The following RFFL variants were observed in gnomAD, a reference collection of about 807,000 sequenced individuals.
RFFL encodes the protein ring finger and FYVE like domain containing E3 ubiquitin protein ligase.
Under a neutral mutation model 40.4 loss-of-function variants are expected in RFFL, and 16 were observed. The ratio of observed to expected loss-of-function variants is 0.40; its 90% CI spans 0.27 to 0.60. The LOEUF (loss-of-function observed/expected upper bound fraction) is 0.60. RFFL is among the 20% of genes least tolerant of loss of function. RFFL has a pLI of 0.47. For synonymous variants in RFFL, 154 were observed against 167.9 expected (o/e 0.92, Z 0.64); for missense variants, 367 against 451.7 (o/e 0.81, Z 1.70).
intron 4 of RFFL, among the ~76,000 whole-genome samples, chr17:35,017,032 T>G (rs2090978166): frequency 6.6e-6 from 1 of 152,046 alleles, no homozygotes; most frequent in African/African-American, 2.4e-5. Flanking sequence ...AAACCCAGCA[T>G]GGTGCTGGCC....
chr17:35,020,434 T>G (rs1259435681), intron 3 of RFFL, among the ~76,000 whole-genome samples: 1 of 150,264 alleles, frequency 6.7e-6, no homozygotes, highest in East Asian at 1.9e-4. Context: ...GAACTGCGCA[T>G]GCGAGGGATC....
At chr17:35,078,502 A>T (rs928020686) in intron 1 of RFFL, among the ~76,000 whole-genome samples, 1 of 152,124 alleles carries the variant, frequency 6.6e-6, no homozygotes, top group African/African-American at 2.4e-5. Flanking sequence ...AGGTTTTGCT[A>T]TGTTGCCCAG....
chr17:35,081,881 G>C (rs2091404527), intron 1 of RFFL, among the ~76,000 whole-genome samples: 1 of 152,046 alleles, frequency 6.6e-6, no homozygotes, highest in Non-Finnish European at 1.5e-5. Context: ...CAATACAAAG[G>C]CCCTTAAGGG....
In RFFL at chr17:35,016,447, T is replaced by A. The variant is rs779755146; in HGVS notation, c.809A>T (p.Lys270Met). The change falls in exon 5 of 7, where the codon AAG becomes ATG. Residue 270 changes from lysine to methionine, a missense_variant. By Grantham distance (95) the Lys-to-Met change is moderately conservative. Transcript: ENST00000394597. The part of the protein sequence containing the change: ...EILARNFVNY[K>M]GCCEKWELME... ...CAGCTCCCACTTCTCACAGCAGCCC[T>A]TGTAGTTGACAAAGTTGCGAGCCAA... 1.2e-6 allele frequency: 2 copies of A among 1,614,198 alleles called. No individual in the cohort carries two copies. The highest frequency in any genetic ancestry group is 1.7e-6 in the Non-Finnish European group (2 of 1,180,020).
At position 35,076,679 on chromosome 17, in the gene RFFL, A is replaced by AAATAAAAATAATAAT. The variant is rs2091378277; in HGVS notation, c.-9+12425_-9+12426insATTATTATTTTTATT. ...GGCAACAAGAACAAAACTCCGTCTC[A>AAATAAAAATAATAAT]AATAATAATAATAATAATAATAATA... On this transcript the variant is annotated intron_variant, in intron 1 of 6. Coordinates refer to the RFFL transcript ENST00000315249. 3.6e-5 allele frequency: 5 copies of AAATAAAAATAATAAT among 137,198 alleles called. No individual in the cohort carries two copies. In the South Asian group the frequency reaches 1.2e-3, roughly 33 times the overall value. The allele number at this position is 137,198 out of a possible 1,614,324, so 8.5% of individuals were successfully genotyped here.
chr17:35,046,441 G>A (rs1050426386), intron 1 of RFFL, among the ~76,000 whole-genome samples: 4 of 152,220 alleles, frequency 2.6e-5, no homozygotes, highest in Non-Finnish European at 1.5e-5. Context: ...AGGTCTGGGT[G>A]TACCTTTGCC....
At position 35,011,933 on chromosome 17, in the gene RFFL, T is replaced by A. The variant is rs1451991145; in HGVS notation, c.*35A>T. 6.2e-7 allele frequency: 1 copy of A among 1,604,232 alleles called. No homozygotes were observed. Among genetic ancestry groups the A allele is most frequent in the Admixed American group, 1.7e-5 (1 of 59,688 alleles). ...CTGAGCCCAGACACCCCAGGCTATT[T>A]CCCTGTAAGGCACTGAAGAAACCGA... is the stretch of plus-strand genomic sequence containing the variant. On this transcript the variant is annotated 3_prime_UTR_variant, in exon 7 of 7. Transcript: ENST00000394597.
chr17:35,032,524 G>A (rs1431408335), intron 1 of RFFL, among the ~76,000 whole-genome samples: 1 of 152,090 alleles, frequency 6.6e-6, no homozygotes, highest in African/African-American at 2.4e-5. Flanking sequence ...ATTACTTACT[G>A]AAATGAAGCC....
At chr17:35,073,728 T>G (rs1192918895) in intron 1 of RFFL, 1 of 152,014 alleles carries the variant, frequency 6.6e-6, no homozygotes, top group Non-Finnish European at 1.5e-5. Context: ...TAGAATTCAA[T>G]TAATTGGGAA....
chr17:35,026,892 T>A (rs933226121), intron 1 of RFFL, among the ~76,000 whole-genome samples: 12 of 152,014 alleles, frequency 7.9e-5, no homozygotes, highest in Non-Finnish European at 1.5e-4. Flanking sequence ...TTAGTAGAGA[T>A]GGGATTTCAC....
intron 1 of RFFL, among the ~76,000 whole-genome samples, chr17:35,075,334 G>A (rs1288231124): frequency 6.6e-6 from 1 of 152,210 alleles, no homozygotes; most frequent in African/African-American, 2.4e-5. Context: ...CTAGACACAT[G>A]CAATACCTTT....
chr17:35,022,873 CAGTT>C (rs755777959), intron 2 of RFFL, among the ~76,000 whole-genome samples: 69 of 152,360 alleles, frequency 4.5e-4, no homozygotes, highest in Non-Finnish European at 9.3e-4. Context: ...CAGAGTGTCT[CAGTT>C]AGGCAACAAG....
chr17:35,072,771 T>C (rs1024288588), intron 1 of RFFL, among the ~76,000 whole-genome samples: 6 of 151,108 alleles, frequency 4.0e-5, no homozygotes, highest in Non-Finnish European at 8.8e-5. Flanking sequence ...TGGTCGGGCG[T>C]GGTGGCTCAC....
Position 35,026,360 on chromosome 17 carries a change from A to G in RFFL, c.180+14T>C. 6.2e-7 allele frequency: 1 copy of G among 1,612,478 alleles called. No individual in the cohort carries two copies. Among genetic ancestry groups the G allele is most frequent in the Non-Finnish European group, 8.5e-7 (1 of 1,179,326 alleles). ...GGCTGCAGTGGCAGAGCAGGCCAAG[A>G]AGTCAGCACTCACCTTCCTGGCCGT... On this transcript the variant is annotated intron_variant, in intron 2 of 6. Coordinates refer to ENST00000394597, the MANE Select transcript of RFFL (RefSeq NM_001017368.2).
chr17:35,047,912 C>T (rs1281056770), intron 1 of RFFL, among the ~76,000 whole-genome samples: 4 of 151,866 alleles, frequency 2.6e-5, no homozygotes, highest in African/African-American at 9.7e-5. Context: ...CCACCATGCC[C>T]GGCTAATTTT....
chr17:35,073,989 C>T (rs1266619635), intron 1 of RFFL: 5 of 152,198 alleles, frequency 3.3e-5, no homozygotes, highest in Admixed American at 2.0e-4. Context: ...TTGCTAACAT[C>T]ATTTTTAAAT....
intron 1 of RFFL, among the ~76,000 whole-genome samples, chr17:35,028,704 A>T (rs1406184753): frequency 6.6e-6 from 1 of 152,104 alleles, no homozygotes; most frequent in Non-Finnish European, 1.5e-5. Flanking sequence ...TTCATAAGCT[A>T]GAAGGAACTA....
chr17:35,072,810 G>A (rs866338473), intron 1 of RFFL, among the ~76,000 whole-genome samples: 2 of 152,060 alleles, frequency 1.3e-5, no homozygotes, highest in Non-Finnish European at 2.9e-5. Flanking sequence ...TTGGGAGGCC[G>A]AGGCAGGTGG....
chr17:35,072,470 C>T (rs1038955466), intron 1 of RFFL, among the ~76,000 whole-genome samples: 2 of 151,694 alleles, frequency 1.3e-5, no homozygotes, highest in African/African-American at 4.8e-5. Context: ...GTAGGGAAAA[C>T]GGATATGCAT....
Sources: allele counts gnomAD v4.1 joint callset (sites outside exome capture counted in the v4.1 genomes callset), GRCh38; gene constraint gnomAD v4.1.1; transcripts MANE v1.5; gene names NCBI Gene and HGNC (gene_info 2026-07-23, HGNC 2026-07-21).